The following ARTN variants were observed in gnomAD, a reference collection of about 807,000 sequenced individuals.
ARTN encodes artemin, also known as neublastin.
Under a neutral mutation model 15.4 loss-of-function variants are expected in ARTN, and 9 were observed. The observed-to-expected ratio is 0.58, with a 90% CI of 0.35 to 1.02. The LOEUF is 1.02. Among genes scored for constraint, ARTN ranks in the 50% least tolerant of loss-of-function variants. The probability of loss-of-function intolerance (pLI) is 0.02; values close to 1 mark genes in which losing one functional copy is unlikely to be tolerated. For missense variants in ARTN, 284 were observed against 327.9 expected (o/e 0.87, Z 1.03); for synonymous variants, 163 against 155.8 (o/e 1.05, Z -0.35).
At position 43,936,637 on chromosome 1, in the gene ARTN, GGCT is replaced by G. The variant is rs1312624616; in HGVS notation, c.536_538del (p.Gly179_Ser180delinsAla). On this transcript the variant is annotated inframe_deletion, in exon 5 of 5. Coordinates refer to ENST00000372359, the MANE Select transcript of ARTN (RefSeq NM_057091.3). This position sits in a 1 kb window ranked among gnomAD's most constrained non-coding sequence, Gnocchi z 6.6. The stretch of plus-strand genomic sequence containing the variant: ...CGCCGGGGCCCTGCGACCGCCCCCG[GGCT>G]CCCGGCCCGTCAGCCAGCCCTGCTG... The G allele has an allele frequency of 6.3e-7, 1 of 1,594,882 alleles. No homozygotes were observed. The highest frequency in any genetic ancestry group is 8.5e-7 in the Non-Finnish European group (1 of 1,171,302).
At position 43,935,567 on chromosome 1, in the gene ARTN, TAACTC is replaced by T; in HGVS notation, c.-67-21_-67-17del. 2.2e-6 allele frequency: 3 copies of T among 1,379,622 alleles called. No individual in the cohort carries two copies. The highest frequency in any genetic ancestry group is 3.0e-6 in the Non-Finnish European group (3 of 992,954). The allele number at this position is 1,379,622 out of a possible 1,614,324, so 85.5% of individuals were successfully genotyped here. On this transcript the variant is annotated intron_variant, in intron 2 of 4. Coordinates refer to ENST00000372359, the MANE Select transcript of ARTN (RefSeq NM_057091.3). ...TGGCAGGCCGGTCCCCCACAAAAGA[TAACTC>T]ATCTCTTAATTTGCAAGCTGCCTCA...
Position 43,936,550 on chromosome 1 carries a change from TGCAG to T in ARTN, c.449_452del (p.Cys150SerfsTer110). 6.5e-7 allele frequency: 1 copy of T among 1,534,970 alleles called. No individual in the cohort carries two copies. Among genetic ancestry groups the T allele is most frequent in the Admixed American group, 1.9e-5 (1 of 51,754 alleles). On this transcript the variant is annotated frameshift_variant, in exon 5 of 5. Coordinates refer to ENST00000372359, the MANE Select transcript of ARTN (RefSeq NM_057091.3). LOFTEE classifies it high-confidence loss of function. The surrounding 1 kb of genome is among the most constrained non-coding windows in gnomAD (Gnocchi z 6.6). ...CGACGAGCTGGTGCGTTTCCGCTTC[TGCAG>T]CGGCTCCTGCCGCCGCGCGCGCTCT...
intron 3 of ARTN, 46 bp downstream of exon 3, chr1:43,935,762 G>A (rs994483784): frequency 3.8e-6 from 6 of 1,559,146 alleles, no homozygotes; most frequent in Non-Finnish European, 4.4e-6. Context: ...GAGGAAAGGC[G>A]GCTTGACTGG....
intron 2 of ARTN, among the ~76,000 whole-genome samples, chr1:43,934,770 C>T (rs1461711560): frequency 6.6e-6 from 1 of 152,126 alleles, no homozygotes; most frequent in Non-Finnish European, 1.5e-5. Context: ...GGGGGACAGA[C>T]CTAGACCAGC....
rs767392376 is a variant in ARTN, at chr1:43,936,707, A to G, written c.605A>G (p.Asn202Ser). Residue 202 changes from asparagine to serine, a missense_variant, in exon 5 of 5, where the codon AAC (asparagine) becomes AGC (serine). Coordinates refer to ENST00000372359, the MANE Select transcript of ARTN (RefSeq NM_057091.3). This position sits in a 1 kb window ranked among gnomAD's most constrained non-coding sequence, Gnocchi z 6.6. ...GAAGCGGTCTCCTTCATGGACGTCA[A>G]CAGCACCTGGAGAACCGTGGACCGC... ...RYEAVSFMDV[N>S]STWRTVDRLS... The G allele has an allele frequency of 7.6e-6, 12 of 1,587,924 alleles. No homozygotes were observed. In the South Asian group the frequency reaches 1.4e-4, roughly 18 times the overall value.
At position 43,936,417 on chromosome 1, in the gene ARTN, G is replaced by A. The variant is rs532613164; in HGVS notation, c.315G>A (p.Ala105=). The change falls in exon 5 of 5, where the codon GCG becomes GCA. Residue 105 remains alanine (A), a synonymous_variant. Transcript: ENST00000372359. This position sits in a 1 kb window ranked among gnomAD's most constrained non-coding sequence, Gnocchi z 6.6. ...PPSALPRGGR[A]ARAGGPGSRA... ...CTGCTCTTCCCCGCGGGGGCCGCGC[G>A]GCGCGGGCTGGGGGCCCGGGCAGCC... 2.3e-3 allele frequency: 2,626 copies of A among 1,152,416 alleles called. 55 individuals are homozygous for A. In the African/African-American group the frequency reaches 0.039, roughly 17 times the overall value. 71.4% of individuals were successfully genotyped at this position (1,152,416 alleles called of 1,614,324 possible). A position where few individuals can be genotyped will look rare whatever the true frequency, so the allele number is the denominator to read the frequency against.
In ARTN at chr1:43,936,398, T is replaced by G; in HGVS notation, c.296T>G (p.Leu99Arg). The G allele has an allele frequency of 1.7e-6, 2 of 1,198,810 alleles. No individual in the cohort carries two copies. The highest frequency in any genetic ancestry group is 2.1e-6 in the Non-Finnish European group (2 of 967,688). The allele number at this position is 1,198,810 out of a possible 1,614,324, so 74.3% of individuals were successfully genotyped here. Residue 99 changes from leucine (L) to arginine (R), a missense_variant, in exon 5 of 5, where the codon CTT becomes CGT. Physicochemically the swap from Leu to Arg is moderately radical, Grantham distance 102. Transcript: ENST00000372359. The surrounding 1 kb of genome is among the most constrained non-coding windows in gnomAD (Gnocchi z 6.6). ...APPPPAPPSA[L>R]PRGGRAARAG... The stretch of plus-strand genomic sequence containing the variant: ...CCGCCGCCTGCACCCCCATCTGCTC[T>G]TCCCCGCGGGGGCCGCGCGGCGCGG...
At position 43,937,011 on chromosome 1, in the gene ARTN, C is replaced by T. The variant is rs952859631; in HGVS notation, c.*246C>T. The stretch of plus-strand genomic sequence containing the variant: ...CACCAGAGACCTCAGCTATGGAGCC[C>T]TTCGGACCCACTTCTCACAGACTCT... On this transcript the variant is annotated 3_prime_UTR_variant, in exon 5 of 5. Transcript: ENST00000372359. 4.7e-6 allele frequency: 2 copies of T among 427,744 alleles called. No homozygotes were observed. Among genetic ancestry groups the T allele is most frequent in the Non-Finnish European group, 7.6e-6 (2 of 262,098 alleles). 26.5% of individuals were successfully genotyped at this position (427,744 alleles called of 1,614,324 possible).
In ARTN at chr1:43,936,439, A is replaced by G. The variant is rs1272398509; in HGVS notation, c.337A>G (p.Ser113Gly). 4 of 1,141,198 alleles carry G rather than the reference A, an allele frequency of 3.5e-6. No individual in the cohort carries two copies. The highest frequency in any genetic ancestry group is 4.3e-6 in the Non-Finnish European group (4 of 931,422). The allele number at this position is 1,141,198 out of a possible 1,614,324, so 70.7% of individuals were successfully genotyped here. Residue 113 changes from serine (S) to glycine (G), a missense_variant, in exon 5 of 5, where the codon AGC (serine) becomes GGC (glycine). By Grantham distance (56) the Ser-to-Gly change is moderately conservative. Transcript: ENST00000372359. The surrounding 1 kb of genome is among the most constrained non-coding windows in gnomAD (Gnocchi z 6.6). ...CGCGGCGCGGGCTGGGGGCCCGGGC[A>G]GCCGCGCTCGGGCAGCGGGGGCGCG... ...GRAARAGGPG[S>G]RARAAGARGC...
chr1:43,935,838 C>A, intron 3 of ARTN, 122 bp downstream of exon 3: 1 of 1,016,094 alleles, frequency 9.8e-7, no homozygotes, highest in South Asian at 1.5e-5. Context: ...CAGGGAGGGA[C>A]CAGGTGAATG....
rs2085108339 is a variant in ARTN, at chr1:43,937,055, A to G, written c.*290A>G. 2 of 306,172 alleles carry G rather than the reference A, an allele frequency of 6.5e-6. No homozygotes were observed. The highest frequency in any genetic ancestry group is 1.1e-4 in the East Asian group (2 of 18,840). 19.0% of individuals were successfully genotyped at this position (306,172 alleles called of 1,614,324 possible). A position where few individuals can be genotyped will look rare whatever the true frequency, so the allele number is the denominator to read the frequency against. Reference sequence around the variant, plus strand: ...AGACTCTGGCACTGGCCAGGCCTCGAACCTGGGACCCCTCCTCTGATGAAC... The same window carrying G: ...AGACTCTGGCACTGGCCAGGCCTCGGACCTGGGACCCCTCCTCTGATGAAC... On this transcript the variant is annotated 3_prime_UTR_variant, in exon 5 of 5. Transcript: ENST00000372359.
rs1025490202 is a variant in ARTN at position 43,936,766 on chromosome 1, G to A, written c.*1G>A. Reference sequence around the variant, plus strand: ...CACCGCCTGCGGCTGCCTGGGCTGAGGGCTCGCTCCAGGGCTTTGCAGACT... The same window carrying A: ...CACCGCCTGCGGCTGCCTGGGCTGAAGGCTCGCTCCAGGGCTTTGCAGACT... On this transcript the variant is annotated 3_prime_UTR_variant, in exon 5 of 5. Coordinates refer to ENST00000372359, the MANE Select transcript of ARTN (RefSeq NM_057091.3). The surrounding 1 kb of genome is among the most constrained non-coding windows in gnomAD (Gnocchi z 6.6). 9 of 1,492,880 alleles carry A rather than the reference G, an allele frequency of 6.0e-6. No homozygotes were observed. The highest frequency in any genetic ancestry group is 4.3e-5 in the African/African-American group (3 of 69,350). 92.5% of individuals were successfully genotyped at this position (1,492,880 alleles called of 1,614,324 possible). A position where few individuals can be genotyped will look rare whatever the true frequency, so the allele number is the denominator to read the frequency against.
intron 2 of ARTN, among the ~76,000 whole-genome samples, chr1:43,934,737 G>T (rs2085073401): frequency 6.6e-6 from 1 of 152,152 alleles, no homozygotes; most frequent in African/African-American, 2.4e-5. Flanking sequence ...TGACTAGGCT[G>T]CCAGATCCAT....
At chr1:43,934,788 G>A (rs1172702589) in intron 2 of ARTN, among the ~76,000 whole-genome samples, 1 of 152,174 alleles carries the variant, frequency 6.6e-6, no homozygotes, top group Non-Finnish European at 1.5e-5. Flanking sequence ...AGCTCCCAGG[G>A]TGGCTCAGCT....
At chr1:43,935,751 TG>T in intron 3 of ARTN, 35 bp downstream of exon 3, 1 of 1,585,142 alleles carries the variant, frequency 6.3e-7, no homozygotes, top group Non-Finnish European at 8.6e-7. Flanking sequence ...TACCTGGTAC[TG>T]AGGAAAGGCG....
At position 43,936,149 on chromosome 1, in the gene ARTN, C is replaced by T. The variant is rs371355147; in HGVS notation, c.117C>T (p.Ala39=). ...ALALLSSVAE[A]SLGSAPRSPA... ...CTCTGCTGAGCAGCGTCGCAGAGGC[C>T]TCCCTGGGCTCCGCGCCCCGCAGCC... The change falls in exon 4 of 5, where the codon GCC becomes GCT. Residue 39 remains alanine, a synonymous_variant. Transcript: ENST00000372359. This position sits in a 1 kb window ranked among gnomAD's most constrained non-coding sequence, Gnocchi z 6.6. The T allele has an allele frequency of 6.9e-4, 1,091 of 1,588,096 alleles. 2 individuals are homozygous for T. Among genetic ancestry groups the T allele is most frequent in the Non-Finnish European group, 8.8e-4 (1,027 of 1,173,454 alleles).
rs934989181 is a variant in ARTN at position 43,934,164 on chromosome 1, G to T, written c.-164G>T. 1 of 152,836 alleles carries T rather than the reference G, an allele frequency of 6.5e-6. No individual in the cohort carries two copies. The allele number at this position is 152,836 out of a possible 1,614,324, so 9.5% of individuals were successfully genotyped here. ...TTTTGGCTAAAAGAGGCACTGCCAG[G>T]TGTACAGTCCTGGGCATGCGCTGTT... On this transcript the variant is annotated 5_prime_UTR_variant, in exon 2 of 5. Coordinates refer to ENST00000372359, the MANE Select transcript of ARTN (RefSeq NM_057091.3).
Position 43,936,329 on chromosome 1 carries a change from G to C in ARTN, c.227G>C (p.Gly76Ala). ...PGGRTARWCS[G>A]RARRPPPQPS... ...GGACGCACGGCCCGCTGGTGCAGTGGAAGAGCCCGGCGGCCGCCGCCGCAG... is the reference window on the plus strand; with the variant it reads ...GGACGCACGGCCCGCTGGTGCAGTGCAAGAGCCCGGCGGCCGCCGCCGCAG... Residue 76 changes from glycine to alanine, a missense_variant, in exon 5 of 5, where the codon GGA (glycine) becomes GCA (alanine). Physicochemically the swap from Gly to Ala is moderately conservative, Grantham distance 60. Transcript: ENST00000372359. This position sits in a 1 kb window ranked among gnomAD's most constrained non-coding sequence, Gnocchi z 6.6. 1.5e-6 allele frequency: 2 copies of C among 1,340,322 alleles called. No individual in the cohort carries two copies. 83.0% of individuals were successfully genotyped at this position (1,340,322 alleles called of 1,614,324 possible). A position where few individuals can be genotyped will look rare whatever the true frequency, so the allele number is the denominator to read the frequency against.
rs1479279562 is a variant in ARTN at position 43,937,004 on chromosome 1, T to C, written c.*239T>C. 2.1e-6 allele frequency: 1 copy of C among 478,932 alleles called. No homozygotes were observed. Among genetic ancestry groups the C allele is most frequent in the African/African-American group, 2.0e-5 (1 of 49,860 alleles). 29.7% of individuals were successfully genotyped at this position (478,932 alleles called of 1,614,324 possible). Reference sequence around the variant, plus strand: ...TAAAAGACACCAGAGACCTCAGCTATGGAGCCCTTCGGACCCACTTCTCAC... The same window carrying C: ...TAAAAGACACCAGAGACCTCAGCTACGGAGCCCTTCGGACCCACTTCTCAC... On this transcript the variant is annotated 3_prime_UTR_variant, in exon 5 of 5. Coordinates refer to ENST00000372359, the MANE Select transcript of ARTN (RefSeq NM_057091.3).
Sources: gnomAD v4.1 joint callset for allele counts (sites outside exome capture counted in the v4.1 genomes callset) on GRCh38, gnomAD v4.1.1 for gene constraint, Gnocchi (gnomAD v3.1) non-coding constraint, MANE v1.5 for transcripts, NCBI Gene and HGNC (gene_info 2026-07-23, HGNC 2026-07-21) for gene names.